CEP68: variants seen among roughly 807,000 people sequenced by gnomAD.
The protein encoded by CEP68 is centrosomal protein 68.
A neutral mutation model predicts 55.3 loss-of-function variants in CEP68; 26 were observed. That is an observed-to-expected ratio of 0.47 (90% CI 0.34 to 0.65). CEP68 has a LOEUF of 0.65. CEP68 is among the 30% of genes least tolerant of loss of function. The probability of loss-of-function intolerance (pLI) is 0.01; values close to 1 mark genes in which losing one functional copy is unlikely to be tolerated. For synonymous variants in CEP68, 402 were observed against 383.2 expected (o/e 1.05, Z -0.57); for missense variants, 957 against 946.7 (o/e 1.01, Z -0.14).
rs1288098821 is a variant in CEP68 at position 65,077,887 on chromosome 2, A to T, written c.2027A>T (p.Asp676Val). 6.2e-7 allele frequency: 1 copy of T among 1,613,618 alleles called. No individual in the cohort carries two copies. Among genetic ancestry groups the T allele is most frequent in the Admixed American group, 1.7e-5 (1 of 59,894 alleles). ...QLYRQFKKDIDEHQSLTESVL... is the reference protein window; with the variant it reads ...QLYRQFKKDIVEHQSLTESVL... Reference sequence around the variant, plus strand: ...CTTAAGCAATTTAAGAAAGATATAGATGAACATCAGTCTCTGACGGAGAGT... The same window carrying T: ...CTTAAGCAATTTAAGAAAGATATAGTTGAACATCAGTCTCTGACGGAGAGT... The change falls in exon 5 of 7, where the codon GAT becomes GTT. Residue 676 changes from aspartate (D) to valine (V), a missense_variant. Asp to Val is a radical substitution (Grantham distance 152, BLOSUM62 -3). Coordinates refer to ENST00000377990, the MANE Select transcript of CEP68 (RefSeq NM_015147.3).
At chr2:65,073,869 G>C (rs1156899168) in intron 3 of CEP68, 1 of 182,368 alleles carries the variant, frequency 5.5e-6, no homozygotes, top group Non-Finnish European at 1.2e-5. Context: ...ATGAGGTAAA[G>C]TTGTTCTTCG....
intron 1 of CEP68, among the ~76,000 whole-genome samples, chr2:65,064,860 GC>G (rs1429574348): frequency 1.3e-5 from 2 of 152,104 alleles, no homozygotes; most frequent in African/African-American, 4.8e-5. Flanking sequence ...AACAAAACTT[GC>G]CTGTAAACGT....
At chr2:65,069,119 T>C (rs1242739581) in intron 1 of CEP68, among the ~76,000 whole-genome samples, 2 of 152,248 alleles carry the variant, frequency 1.3e-5, no homozygotes, top group Non-Finnish European at 2.9e-5. Context: ...CCAGCCTTGA[T>C]TGGACTTTGG....
chr2:65,078,119 G>A (rs758070169), intron 5 of CEP68, among the ~76,000 whole-genome samples, 155 bp downstream of exon 5: 7 of 152,124 alleles, frequency 4.6e-5, no homozygotes, highest in Non-Finnish European at 7.3e-5. Flanking sequence ...CCAGCTCCAC[G>A]CGTCGCTGCC....
At position 65,071,681 on chromosome 2, in the gene CEP68, C is replaced by T; in HGVS notation, c.585C>T (p.Ser195=). 6.2e-7 allele frequency: 1 copy of T among 1,614,218 alleles called. No homozygotes were observed. The highest frequency in any genetic ancestry group is 1.3e-5 in the African/African-American group (1 of 75,068). The change falls in exon 3 of 7, where the codon AGC becomes AGT. Residue 195 remains serine (S), a synonymous_variant. Coordinates refer to ENST00000377990, the MANE Select transcript of CEP68 (RefSeq NM_015147.3). ...CAGGTTCCGCAGCTCAGCCTTCCAG[C>T]TGCAGCATCTCTGCTTCCTCCACAG... ...LSPGSAAQPS[S]CSISASSTGS... is the part of the protein sequence containing the mutation.
chr2:65,069,359 A>G (rs1033685820), intron 1 of CEP68, 40 bp from the exon 2 acceptor site: 32 of 1,042,208 alleles, frequency 3.1e-5, no homozygotes, highest in Non-Finnish European at 4.1e-5. Flanking sequence ...ACACAGATGT[A>G]GAAGATTTAT....
chr2:65,069,098 T>C (rs573324999), intron 1 of CEP68, among the ~76,000 whole-genome samples: 2 of 152,214 alleles, frequency 1.3e-5, no homozygotes, highest in African/African-American at 4.8e-5. Context: ...AAAGGTGACT[T>C]AGGCAGGACC....
At chr2:65,078,740 C>T (rs541429505) in intron 5 of CEP68, among the ~76,000 whole-genome samples, 20 of 152,144 alleles carry the variant, frequency 1.3e-4, no homozygotes, top group Admixed American at 2.6e-4. Context: ...GATGAGGTTT[C>T]TCCATGTTGG....
Position 65,069,861 on chromosome 2 carries a change from G to T in CEP68, c.357+60G>T. ...TGCTGTCCTTTGGGAGTTTGTTCAGGATTTCCTCACCATCTTGCATCCTTT... is the reference window on the plus strand; with the variant it reads ...TGCTGTCCTTTGGGAGTTTGTTCAGTATTTCCTCACCATCTTGCATCCTTT... On this transcript the variant is annotated intron_variant, in intron 2 of 6. Coordinates refer to ENST00000377990, the MANE Select transcript of CEP68 (RefSeq NM_015147.3). The T allele has an allele frequency of 4.9e-6, 7 of 1,414,920 alleles. No individual in the cohort carries two copies. The South Asian group carries it at 8.4e-5, about 17-fold the overall frequency. 87.6% of individuals were successfully genotyped at this position (1,414,920 alleles called of 1,614,324 possible). A position where few individuals can be genotyped will look rare whatever the true frequency, so the allele number is the denominator to read the frequency against.
intron 1 of CEP68, among the ~76,000 whole-genome samples, chr2:65,057,201 G>C (rs1244922168): frequency 6.6e-6 from 1 of 152,224 alleles, no homozygotes; most frequent in African/African-American, 2.4e-5. Flanking sequence ...TAACAAAAAT[G>C]AGCGGAAGCC....
chr2:65,084,146 A>C lies in CEP68; in HGVS notation c.*512A>C, dbSNP rs1256273246. The stretch of plus-strand genomic sequence containing the variant: ...ATATAGGTAGAAAGAAGAGATTTTT[A>C]ACCCTTTGTCTGCAAAAGAAAAAGG... On this transcript the variant is annotated 3_prime_UTR_variant, in exon 7 of 7. Transcript: ENST00000377990. 1 of 152,218 alleles carries C rather than the reference A, an allele frequency of 6.6e-6. No individual in the cohort carries two copies. Among genetic ancestry groups the C allele is most frequent in the African/African-American group, 2.4e-5 (1 of 41,466 alleles). The allele number at this position is 152,218 out of a possible 1,614,324, so 9.4% of individuals were successfully genotyped here.
rs745423933 is a variant in CEP68, at chr2:65,072,821, G to A, written c.1725G>A (p.Gly575=). The A allele has an allele frequency of 6.2e-6, 10 of 1,614,192 alleles. No homozygotes were observed. The Middle Eastern group carries it at 4.9e-4, about 80-fold the overall frequency. ...ACTCCGCAGGGGAAGGCAGTCTGGG[G>A]AGCAGCCAGGCCCTCGGGGTCTCCT... ...AHDSAGEGSL[G]SSQALGVSSG... is the part of the protein sequence containing the mutation. Residue 575 remains glycine, a synonymous_variant, in exon 3 of 7, where the codon GGG becomes GGA. Transcript: ENST00000377990.
intron 1 of CEP68, among the ~76,000 whole-genome samples, chr2:65,068,628 C>A (rs1676309506): frequency 6.6e-6 from 1 of 152,094 alleles, no homozygotes; most frequent in Admixed American, 6.6e-5. Context: ...TTGAGAGGGT[C>A]CCAGCCTGGG....
At chr2:65,074,817 G>T in intron 4 of CEP68, 1 of 257,530 alleles carries the variant, frequency 3.9e-6, no homozygotes, top group Non-Finnish European at 7.6e-6. Context: ...AAATACTTTA[G>T]GGTGATTTGC....
Position 65,069,602 on chromosome 2 carries a change from C to A in CEP68, c.158C>A (p.Ser53Tyr), listed in dbSNP as rs1178567320. 1 of 1,614,066 alleles carries A rather than the reference C, an allele frequency of 6.2e-7. No homozygotes were observed. The highest frequency in any genetic ancestry group is 2.2e-5 in the East Asian group (1 of 44,880). ...PRLEAEGGLI[S>Y]PVWGAEGIPA... ...CTGGAAGCTGAGGGAGGGCTCATCT[C>A]CCCTGTATGGGGGGCAGAAGGGATA... Residue 53 changes from serine to tyrosine, a missense_variant, in exon 2 of 7, where the codon TCC becomes TAC. By Grantham distance (144) the Ser-to-Tyr change is moderately radical (BLOSUM62 -2). Coordinates refer to ENST00000377990, the MANE Select transcript of CEP68 (RefSeq NM_015147.3).
intron 5 of CEP68, among the ~76,000 whole-genome samples, chr2:65,081,354 C>G (rs986657982): frequency 6.6e-6 from 1 of 152,232 alleles, no homozygotes; most frequent in Non-Finnish European, 1.5e-5. Context: ...TGACACCGCA[C>G]TGATGTGGCT....
chr2:65,069,390 GT>G lies in CEP68; in HGVS notation c.-46-5del. On this transcript the variant is annotated splice_polypyrimidine_tract_variant and splice_region_variant and intron_variant, in intron 1 of 6. Coordinates refer to ENST00000377990, the MANE Select transcript of CEP68 (RefSeq NM_015147.3). ...TTTATATTTTTCTCTCCCTTCCCCT[GT>G]TTTGTAGGAAGCTGAAGTCTTCAGC... 3 of 1,344,226 alleles carry G rather than the reference GT, an allele frequency of 2.2e-6. No individual in the cohort carries two copies. Among genetic ancestry groups the G allele is most frequent in the Non-Finnish European group, 3.0e-6 (3 of 994,994 alleles). 83.3% of individuals were successfully genotyped at this position (1,344,226 alleles called of 1,614,324 possible).
At chr2:65,078,000 T>A in intron 5 of CEP68, 36 bp downstream of exon 5, 1 of 1,514,812 alleles carries the variant, frequency 6.6e-7, no homozygotes, top group Non-Finnish European at 9.1e-7. Flanking sequence ...AGCCAGAGCT[T>A]AATCCCTGTC....
chr2:65,082,834 C>A, intron 6 of CEP68, 125 bp downstream of exon 6: 1 of 771,160 alleles, frequency 1.3e-6, no homozygotes, highest in Non-Finnish European at 2.0e-6. Context: ...AGAAGACAGC[C>A]AATGGTACTA....
Sources: gnomAD v4.1 joint callset for allele counts (sites outside exome capture counted in the v4.1 genomes callset) on GRCh38, gnomAD v4.1.1 for gene constraint, MANE v1.5 for transcripts, NCBI Gene and HGNC (gene_info 2026-07-23, HGNC 2026-07-21) for gene names.